The following AK9 variants were observed in gnomAD, a reference collection of about 807,000 sequenced individuals.
AK9 encodes the protein adenylate kinase 9.
AK9 carries 191 observed loss-of-function variants against 239.6 expected under a neutral mutation model. The ratio of observed to expected loss-of-function variants is 0.80; its 90% CI spans 0.71 to 0.90. AK9 has a LOEUF of 0.90. Ranked by LOEUF, AK9 falls within the 40% of genes least tolerant of loss-of-function variation. AK9 has a pLI of 0.00. For synonymous variants in AK9, 689 were observed against 721.0 expected (o/e 0.96, Z 0.71); for missense variants, 1,995 against 2,214.7 (o/e 0.90, Z 1.99).
chr6:109,545,825 G>A, intron 26 of AK9, 42 bp downstream of exon 26: 1 of 1,559,538 alleles, frequency 6.4e-7, no homozygotes, highest in Non-Finnish European at 8.6e-7. Flanking sequence ...AATAACAACA[G>A]CAAAAACAAA....
intron 12 of AK9, among the ~76,000 whole-genome samples, chr6:109,628,901 C>T (rs1451308559): frequency 1.8e-5 from 2 of 110,550 alleles, no homozygotes; most frequent in Non-Finnish European, 4.0e-5. Context: ...TCCCAGGCTA[C>T]TGCGTTTCAT....
chr6:109,537,730 T>C (rs1322956314), intron 27 of AK9, among the ~76,000 whole-genome samples: 3 of 152,090 alleles, frequency 2.0e-5, no homozygotes, highest in Non-Finnish European at 2.9e-5. Context: ...CTGCTTTCTC[T>C]TGTGGGCATT....
intron 5 of AK9, among the ~76,000 whole-genome samples, chr6:109,663,921 T>C (rs577960762): frequency 6.6e-6 from 1 of 152,302 alleles, no homozygotes; most frequent in South Asian, 2.1e-4. Flanking sequence ...AGAATATATC[T>C]ATGTGAAACT....
At chr6:109,600,495 G>A (rs1391977889) in intron 17 of AK9, among the ~76,000 whole-genome samples, 2 of 152,128 alleles carry the variant, frequency 1.3e-5, no homozygotes, top group East Asian at 3.8e-4. Flanking sequence ...TTTTATTGAG[G>A]ATTTTTGCAT....
intron 1 of AK9, among the ~76,000 whole-genome samples, chr6:109,684,681 C>T (rs1045479672): frequency 4.9e-5 from 7 of 144,008 alleles, no homozygotes; most frequent in African/African-American, 8.1e-5. Flanking sequence ...GAGACCATCC[C>T]GGCTAAAATG....
chr6:109,599,591 G>GTT (rs150916532), intron 17 of AK9, among the ~76,000 whole-genome samples: 1 of 151,088 alleles, frequency 6.6e-6, no homozygotes. Flanking sequence ...CTTTAAAGTA[G>GTT]TTTTTTCCAA....
At chr6:109,674,498 C>T (rs1010582169) in intron 2 of AK9, among the ~76,000 whole-genome samples, 1 of 152,112 alleles carries the variant, frequency 6.6e-6, no homozygotes, top group South Asian at 2.1e-4. Flanking sequence ...AAGTACATAG[C>T]CCTAAAATCA....
At chr6:109,565,500 G>A (rs1786356962) in intron 21 of AK9, among the ~76,000 whole-genome samples, 1 of 151,074 alleles carries the variant, frequency 6.6e-6, no homozygotes, top group African/African-American at 2.4e-5. Flanking sequence ...TTTTCAAGAA[G>A]ATACACCAAA....
At chr6:109,637,305 T>C (rs929860260) in intron 10 of AK9, among the ~76,000 whole-genome samples, 2 of 152,204 alleles carry the variant, frequency 1.3e-5, no homozygotes, top group Admixed American at 6.5e-5. Context: ...CCCTATCAGA[T>C]ATGTGATTTT....
chr6:109,662,722 G>A, intron 5 of AK9, 59 bp from the exon 6 acceptor site: 1 of 793,220 alleles, frequency 1.3e-6, no homozygotes, highest in South Asian at 4.0e-5. Context: ...TGAGGGCATG[G>A]ATTTATTATA....
Position 109,550,089 on chromosome 6 carries a change from C to A in AK9, c.2964+1G>T. On this transcript the variant is annotated splice_donor_variant, in intron 25 of 40. Coordinates refer to ENST00000424296, the MANE Select transcript of AK9 (RefSeq NM_001145128.3). LOFTEE classifies it high-confidence loss of function. ...TCATTAAGATAGGAATACTGTCTCA[C>A]CTTCAATGGTTCTTCATGAGCCACA... 6.2e-7 allele frequency: 1 copy of A among 1,613,388 alleles called. No individual in the cohort carries two copies. The highest frequency in any genetic ancestry group is 8.5e-7 in the Non-Finnish European group (1 of 1,179,862).
chr6:109,611,895 A>C, intron 16 of AK9, 115 bp downstream of exon 16: 1 of 734,960 alleles, frequency 1.4e-6, no homozygotes, highest in Admixed American at 3.1e-5. Flanking sequence ...GGTATTAATC[A>C]TGCTTTTATT....
intron 29 of AK9, among the ~76,000 whole-genome samples, chr6:109,527,064 T>C (rs776234163): frequency 2.0e-5 from 3 of 152,092 alleles, no homozygotes; most frequent in African/African-American, 4.8e-5. Context: ...CTCCCTTGCT[T>C]TCACCTCCCA....
chr6:109,612,434 C>T (rs545551984), intron 15 of AK9, among the ~76,000 whole-genome samples: 14 of 152,124 alleles, frequency 9.2e-5, no homozygotes, highest in Non-Finnish European at 1.9e-4. Flanking sequence ...GCCTTCTTAC[C>T]CATGGATACT....
intron 17 of AK9, among the ~76,000 whole-genome samples, chr6:109,606,182 T>C (rs568489961): frequency 3.3e-5 from 5 of 152,202 alleles, no homozygotes; most frequent in Non-Finnish European, 5.9e-5. Flanking sequence ...TTTTTCTGCA[T>C]TTAAACATAC....
At chr6:109,655,893 A>G (rs149828503) in intron 8 of AK9, among the ~76,000 whole-genome samples, 284 of 152,302 alleles carry the variant, frequency 1.9e-3, no homozygotes, top group Non-Finnish European at 3.0e-3. Context: ...GAGGAATAGA[A>G]GTCATACATA....
At chr6:109,524,792 T>C (rs1780263334) in intron 29 of AK9, among the ~76,000 whole-genome samples, 2 of 152,166 alleles carry the variant, frequency 1.3e-5, no homozygotes, top group African/African-American at 2.4e-5. Context: ...AACTAGAGCA[T>C]AAAGGATGTT....
chr6:109,651,073 G>C (rs1385494148), intron 8 of AK9, among the ~76,000 whole-genome samples: 2 of 151,978 alleles, frequency 1.3e-5, no homozygotes, highest in East Asian at 3.9e-4. Context: ...ACACACCGGG[G>C]ACTGTTGTGG....
At chr6:109,621,563 T>C (rs1445713864) in intron 12 of AK9, among the ~76,000 whole-genome samples, 19 of 65,958 alleles carry the variant, frequency 2.9e-4, no homozygotes, top group Non-Finnish European at 2.5e-4. Context: ...TATGCAGCCA[T>C]AAAAAATGAT....
Sources: allele counts gnomAD v4.1 joint callset (sites outside exome capture counted in the v4.1 genomes callset), GRCh38; gene constraint gnomAD v4.1.1; transcripts MANE v1.5; gene names NCBI Gene and HGNC (gene_info 2026-07-23, HGNC 2026-07-21).